The following PDE1A variants were observed in gnomAD, a reference collection of about 807,000 sequenced individuals.
PDE1A encodes the protein phosphodiesterase 1A.
PDE1A carries 35 observed loss-of-function variants against 61.7 expected under a neutral mutation model. That is an observed-to-expected ratio of 0.57 (90% confidence interval 0.43 to 0.75). The LOEUF is 0.75. Ranked by LOEUF, PDE1A falls within the 30% of genes least tolerant of loss-of-function variation. The pLI is 0.00. For synonymous variants in PDE1A, 232 were observed against 213.2 expected, an observed-to-expected ratio of 1.09 and a Z score of -0.77; for missense variants, 597 against 630.6, an observed-to-expected ratio of 0.95 and a Z score of 0.57.
At chr2:182,679,350 A>ATTTT in the PDE1A span, among the ~76,000 whole-genome samples, 335 of 119,432 alleles carry the variant, frequency 2.8e-3, 2 homozygotes, top group African/African-American at 0.01. Context: ...TGCTCAGCTA[A>ATTTT]TTTTTTTTTT....
chr2:182,403,629 T>C (rs1574567748), intron 1 of PDE1A, among the ~76,000 whole-genome samples: 1 of 140,644 alleles, frequency 7.1e-6, no homozygotes. Flanking sequence ...ATGTGGCACA[T>C]ATACACCATG....
At chr2:182,556,017 G>C in the PDE1A span, among the ~76,000 whole-genome samples, 1 of 117,222 alleles carries the variant, frequency 8.5e-6, no homozygotes, top group Non-Finnish European at 1.7e-5. Flanking sequence ...TTTGACTTAA[G>C]ATAATCATAA....
intron 1 of PDE1A, among the ~76,000 whole-genome samples, chr2:182,337,328 T>G (rs1401895490): frequency 6.6e-6 from 1 of 152,152 alleles, no homozygotes; most frequent in East Asian, 1.9e-4. Flanking sequence ...CACAGTTAAT[T>G]TCATGTAAAC....
chr2:182,649,642 G>C, the PDE1A span, among the ~76,000 whole-genome samples: 1 of 149,916 alleles, frequency 6.7e-6, no homozygotes, highest in Non-Finnish European at 1.5e-5. Flanking sequence ...ATGGAGTCTC[G>C]CTTTTTCACC....
intron 13 of PDE1A, among the ~76,000 whole-genome samples, chr2:182,153,285 G>A (rs567825151): frequency 6.6e-6 from 1 of 152,176 alleles, no homozygotes; most frequent in Non-Finnish European, 1.5e-5. Flanking sequence ...AATTGGGTCT[G>A]AAGGTTGTAT....
chr2:182,163,207 T>A (rs898940187), downstream of PDE1A, among the ~76,000 whole-genome samples: 34 of 152,186 alleles, frequency 2.2e-4, no homozygotes, highest in African/African-American at 8.0e-4. Context: ...TGTAGTTTCA[T>A]TCTTGAACAC....
chr2:182,475,368 G>T (rs1441099181), intron 2 of PDE1A, among the ~76,000 whole-genome samples: 1 of 151,906 alleles, frequency 6.6e-6, no homozygotes, highest in Non-Finnish European at 1.5e-5. Flanking sequence ...TGAAGAAATT[G>T]AGGGTCTCCC....
chr2:182,710,044 A>T, the PDE1A span, among the ~76,000 whole-genome samples: 1 of 151,940 alleles, frequency 6.6e-6, no homozygotes, highest in African/African-American at 2.4e-5. Context: ...TTACAGGCAC[A>T]CACCACCACG....
chr2:182,671,650 C>T, the PDE1A span, among the ~76,000 whole-genome samples: 3 of 133,638 alleles, frequency 2.2e-5, no homozygotes, highest in Admixed American at 8.0e-5. Flanking sequence ...AGACAAGTCT[C>T]GCTCTGTCGC....
chr2:182,388,991 G>C (rs1298487704), intron 1 of PDE1A, among the ~76,000 whole-genome samples: 1 of 152,070 alleles, frequency 6.6e-6, no homozygotes, highest in African/African-American at 2.4e-5. Context: ...TGCATCATGA[G>C]AGACTACTAT....
intron 8 of PDE1A, among the ~76,000 whole-genome samples, chr2:182,205,094 T>A (rs1253464087): frequency 1.3e-5 from 2 of 152,212 alleles, no homozygotes; most frequent in Admixed American, 1.3e-4. Context: ...GCAAAAACCT[T>A]TGATATTTAC....
At chr2:182,306,950 G>A (rs72897100) in intron 1 of PDE1A, among the ~76,000 whole-genome samples, 50,905 of 151,996 alleles carry the variant, frequency 0.33, 10,430 homozygotes, top group Non-Finnish European at 0.47. Context: ...TAGATAAACG[G>A]GATTACATCA....
chr2:182,520,337 C>A (rs766884907), intron 2 of PDE1A, among the ~76,000 whole-genome samples: 3 of 151,834 alleles, frequency 2.0e-5, no homozygotes, highest in Admixed American at 6.6e-5. Flanking sequence ...AATGCAATTT[C>A]TTCTTTATTC....
At chr2:182,608,542 C>G in the PDE1A span, among the ~76,000 whole-genome samples, 1 of 152,162 alleles carries the variant, frequency 6.6e-6, no homozygotes, top group Non-Finnish European at 1.5e-5. Context: ...CTCGGCGGCC[C>G]GGCACTCGGA....
At chr2:182,402,257 C>A (rs75771953) in intron 1 of PDE1A, among the ~76,000 whole-genome samples, 1 of 152,104 alleles carries the variant, frequency 6.6e-6, no homozygotes, top group African/African-American at 2.4e-5. Flanking sequence ...AGGCATTATG[C>A]TACCTGACTT....
intron 1 of PDE1A, among the ~76,000 whole-genome samples, chr2:182,323,618 C>T (rs370293810): frequency 7.9e-5 from 12 of 152,230 alleles, no homozygotes; most frequent in South Asian, 2.1e-4. Context: ...AAGTGCCTGT[C>T]GGAGGAGCGC....
At chr2:182,556,481 T>C in the PDE1A span, among the ~76,000 whole-genome samples, 1 of 152,050 alleles carries the variant, frequency 6.6e-6, no homozygotes. Flanking sequence ...TATAAATAAA[T>C]TAAACATTAA....
At chr2:182,178,880 T>C (rs1033478103) in intron 13 of PDE1A, among the ~76,000 whole-genome samples, 2 of 151,944 alleles carry the variant, frequency 1.3e-5, no homozygotes, top group Non-Finnish European at 2.9e-5. Context: ...CAGAAGGTGA[T>C]ACCAGCCAAA....
intron 7 of PDE1A, among the ~76,000 whole-genome samples, chr2:182,212,836 G>T (rs978006422): frequency 2.0e-5 from 3 of 152,264 alleles, no homozygotes; most frequent in Non-Finnish European, 4.4e-5. Context: ...AGGGAGGCCA[G>T]GGGAGGGGCG....
Sources: gnomAD v4.1 joint callset for allele counts (sites outside exome capture counted in the v4.1 genomes callset) on GRCh38, gnomAD v4.1.1 for gene constraint, MANE v1.5 for transcripts, NCBI Gene and HGNC (gene_info 2026-07-23, HGNC 2026-07-21) for gene names.